The following LRRC4C variants were observed in gnomAD, a reference collection of about 807,000 sequenced individuals.
LRRC4C encodes the protein leucine rich repeat containing 4C, also known as leucine-rich repeat-containing protein 4C.
A neutral mutation model predicts 33.6 loss-of-function variants in LRRC4C; 5 were observed. The observed-to-expected ratio is 0.15, with a 90% CI of 0.08 to 0.31. The LOEUF (loss-of-function observed/expected upper bound fraction) is 0.31. LRRC4C is among the 10% of genes least tolerant of loss of function. LRRC4C has a pLI of 1.00. For synonymous variants in LRRC4C, 329 were observed against 302.0 expected (o/e 1.09, Z -0.93); for missense variants, 560 against 796.7 (o/e 0.70, Z 3.58).
chr11:40,772,035 GCAA>G (rs1235868923), intron 2 of LRRC4C, among the ~76,000 whole-genome samples: 1 of 152,070 alleles, frequency 6.6e-6, no homozygotes, highest in Non-Finnish European at 1.5e-5. Context: ...CTTTATAGCA[GCAA>G]CCCACTTCTT....
At chr11:41,093,274 TAC>T in intron 1 of LRRC4C, among the ~76,000 whole-genome samples, 1 of 152,192 alleles carries the variant, frequency 6.6e-6, no homozygotes, top group African/African-American at 2.4e-5. Flanking sequence ...GTCTAATACT[TAC>T]ACTGATTGTT....
intron 1 of LRRC4C, among the ~76,000 whole-genome samples, chr11:41,280,125 G>T (rs1359658556): frequency 6.6e-6 from 1 of 152,116 alleles, no homozygotes; most frequent in Non-Finnish European, 1.5e-5. Flanking sequence ...TTACTTCAAT[G>T]CCTAGTATGT....
intron 1 of LRRC4C, among the ~76,000 whole-genome samples, chr11:41,294,672 T>C (rs765082106): frequency 6.6e-6 from 1 of 152,226 alleles, no homozygotes; most frequent in Admixed American, 6.5e-5. Flanking sequence ...TTTGGTTTTA[T>C]ATTCCAATGG....
intron 4 of LRRC4C, among the ~76,000 whole-genome samples, chr11:40,280,020 C>A (rs1474041855): frequency 6.6e-6 from 1 of 152,260 alleles, no homozygotes; most frequent in East Asian, 1.9e-4. Context: ...AGTATCTGTG[C>A]ATATTTGCAG....
At chr11:40,570,867 T>C (rs1957955755) in intron 3 of LRRC4C, among the ~76,000 whole-genome samples, 1 of 152,136 alleles carries the variant, frequency 6.6e-6, no homozygotes, top group South Asian at 2.1e-4. Flanking sequence ...ATTTGATTTA[T>C]TAAAGTGAAG....
chr11:40,126,867 G>T (rs1364561871), intron 6 of LRRC4C, among the ~76,000 whole-genome samples: 1 of 152,074 alleles, frequency 6.6e-6, no homozygotes, highest in Non-Finnish European at 1.5e-5. Flanking sequence ...GGCTGAGGCA[G>T]GAGAATAGCT....
intron 1 of LRRC4C, among the ~76,000 whole-genome samples, chr11:41,371,846 A>T (rs1260901343): frequency 1.3e-5 from 2 of 152,182 alleles, no homozygotes; most frequent in Non-Finnish European, 2.9e-5. Context: ...AAACAGAGAT[A>T]GAAATTGGGC....
chr11:41,237,795 A>C (rs1397903158), intron 1 of LRRC4C, among the ~76,000 whole-genome samples: 1 of 151,572 alleles, frequency 6.6e-6, no homozygotes, highest in Non-Finnish European at 1.5e-5. Context: ...ATTTTTTTTC[A>C]CTCCTATTTA....
intron 3 of LRRC4C, among the ~76,000 whole-genome samples, chr11:40,494,206 C>T (rs1051839730): frequency 3.3e-5 from 5 of 152,102 alleles, no homozygotes; most frequent in Admixed American, 3.3e-4. Context: ...TTCTTAATTT[C>T]TCTAAGCATT....
intron 1 of LRRC4C, among the ~76,000 whole-genome samples, chr11:41,292,808 T>C (rs760908918): frequency 6.6e-6 from 1 of 152,148 alleles, no homozygotes. Flanking sequence ...GAATTCCTTG[T>C]TGGGAGAATC....
At chr11:41,386,895 CA>C (rs1356602612) in intron 1 of LRRC4C, among the ~76,000 whole-genome samples, 1 of 151,674 alleles carries the variant, frequency 6.6e-6, no homozygotes, top group Non-Finnish European at 1.5e-5. Flanking sequence ...CTTTGTGTAA[CA>C]GGAAATGATC....
chr11:40,505,339 C>T (rs1289550769), intron 3 of LRRC4C, among the ~76,000 whole-genome samples: 2 of 152,180 alleles, frequency 1.3e-5, no homozygotes, highest in Non-Finnish European at 2.9e-5. Flanking sequence ...GTAGATGCAA[C>T]TATATTCTCA....
chr11:41,052,833 T>G (rs1362319735), intron 1 of LRRC4C, among the ~76,000 whole-genome samples: 1 of 152,242 alleles, frequency 6.6e-6, no homozygotes, highest in African/African-American at 2.4e-5. Context: ...TAATTACATT[T>G]GCTTTTAATT....
At chr11:41,117,109 C>T (rs1358956525) in intron 1 of LRRC4C, among the ~76,000 whole-genome samples, 1 of 152,038 alleles carries the variant, frequency 6.6e-6, no homozygotes, top group Non-Finnish European at 1.5e-5. Flanking sequence ...AACTTGCGGC[C>T]CAGGGACTCC....
Position 40,266,963 on chromosome 11 carries a change from A to ACC in LRRC4C, c.-175-25366_-175-25365insGG, listed in dbSNP as rs1565207163. Among the ~76,000 whole-genome samples the ACC allele has an allele frequency of 1.5e-3, 25 of 16,938 alleles. 1 individual carries two copies. Among genetic ancestry groups the ACC allele is most frequent in the African/African-American group, 6.6e-3 (23 of 3,488 alleles). The allele number at this position is 16,938 out of a possible 152,430, so 11.1% of individuals were successfully genotyped here. A position where few individuals can be genotyped will look rare whatever the true frequency, so the allele number is the denominator to read the frequency against. The stretch of plus-strand genomic sequence containing the variant: ...CACCCACCCACCCACCCACCCACCC[A>ACC]CACACACACAGTCTTTACTTCTCTT... On this transcript the variant is annotated intron_variant, in intron 4 of 6. Coordinates refer to ENST00000528697, the MANE Select transcript of LRRC4C (RefSeq NM_001258419.2).
At chr11:40,202,213 CAAAAAAAAA>C (rs35644436) in intron 5 of LRRC4C, among the ~76,000 whole-genome samples, 4 of 65,014 alleles carry the variant, frequency 6.2e-5, no homozygotes, top group Non-Finnish European at 1.2e-4. Flanking sequence ...GTGTGATTAC[CAAAAAAAAA>C]AAAAAAAAAA....
intron 1 of LRRC4C, among the ~76,000 whole-genome samples, chr11:41,380,240 A>C (rs1398660829): frequency 6.6e-6 from 1 of 152,174 alleles, no homozygotes; most frequent in African/African-American, 2.4e-5. Flanking sequence ...TTTGCACTGT[A>C]GTTGACAGTA....
rs554106479 is a variant in LRRC4C, at chr11:40,441,628, A to C, written c.-269-121907T>G. On this transcript the variant is annotated intron_variant, in intron 3 of 6. Coordinates refer to ENST00000528697, the MANE Select transcript of LRRC4C (RefSeq NM_001258419.2). ...AAAGAGCACCATGTTAGAATGGAAC[A>C]TGAAATAAATCTGGAGTCAGAATAC... Among the ~76,000 whole-genome samples, 215 of 152,350 alleles carry C rather than the reference A, an allele frequency of 1.4e-3. 1 individual carries two copies. Among genetic ancestry groups the C allele is most frequent in the Non-Finnish European group, 2.7e-3 (187 of 68,038 alleles).
At chr11:40,553,803 T>C (rs2135461041) in intron 3 of LRRC4C, among the ~76,000 whole-genome samples, 1 of 152,346 alleles carries the variant, frequency 6.6e-6, no homozygotes, top group Non-Finnish European at 1.5e-5. Flanking sequence ...TTTGTTCTTG[T>C]TGATTTGCTT....
Sources: allele counts gnomAD v4.1 joint callset (sites outside exome capture counted in the v4.1 genomes callset), GRCh38; gene constraint gnomAD v4.1.1; transcripts MANE v1.5; gene names NCBI Gene and HGNC (gene_info 2026-07-23, HGNC 2026-07-21).